AKAP13: variants seen among roughly 807,000 people sequenced by gnomAD.
AKAP13 encodes the protein A-kinase anchor protein 13.
AKAP13 carries 80 observed loss-of-function variants against 264.5 expected under a neutral mutation model. The ratio of observed to expected loss-of-function variants is 0.30; its 90% CI spans 0.25 to 0.36. The LOEUF (loss-of-function observed/expected upper bound fraction) is 0.36, where lower values mean the gene tolerates loss of function less well. AKAP13 is among the 10% of genes least tolerant of loss of function. The pLI is 1.00. For synonymous variants in AKAP13, 1,380 were observed against 1,250.2 expected (o/e 1.10, Z -2.19); for missense variants, 3,712 against 3,435.2 (o/e 1.08, Z -2.01).
At chr15:85,667,616 A>G (rs2083675795) in intron 13 of AKAP13, among the ~76,000 whole-genome samples, 1 of 152,230 alleles carries the variant, frequency 6.6e-6, no homozygotes, top group South Asian at 2.1e-4. Context: ...GGATTTGTAA[A>G]CAGAATCATA....
At chr15:85,511,262 T>G (rs1284290910) in intron 2 of AKAP13, among the ~76,000 whole-genome samples, 1 of 152,212 alleles carries the variant, frequency 6.6e-6, no homozygotes, top group Non-Finnish European at 1.5e-5. Flanking sequence ...GATCCATTTC[T>G]TCTTACTGCC....
chr15:85,679,300 A>G (rs1424540276), intron 14 of AKAP13, among the ~76,000 whole-genome samples: 1 of 152,154 alleles, frequency 6.6e-6, no homozygotes, highest in Non-Finnish European at 1.5e-5. Flanking sequence ...ATCCTATAAC[A>G]GCACTGGTCA....
intron 10 of AKAP13, among the ~76,000 whole-genome samples, 176 bp from the exon 11 acceptor site, chr15:85,655,240 TC>T (rs2083045048): frequency 6.6e-6 from 1 of 151,970 alleles, no homozygotes; most frequent in African/African-American, 2.4e-5. Flanking sequence ...TCTTCTAGAG[TC>T]CAGGGGGGAT....
intron 5 of AKAP13, among the ~76,000 whole-genome samples, chr15:85,565,888 A>C (rs1309888875): frequency 6.6e-6 from 1 of 152,182 alleles, no homozygotes. Flanking sequence ...CTAGTGTCTT[A>C]GTTGTATTTG....
intron 2 of AKAP13, among the ~76,000 whole-genome samples, chr15:85,520,206 G>A (rs955825856): frequency 3.3e-5 from 5 of 151,928 alleles, no homozygotes; most frequent in African/African-American, 1.2e-4. Context: ...CTACTAAAGA[G>A]TATTTGCGGC....
intron 1 of AKAP13, among the ~76,000 whole-genome samples, chr15:85,451,278 G>A (rs2074080189): frequency 6.6e-6 from 1 of 152,180 alleles, no homozygotes; most frequent in Non-Finnish European, 1.5e-5. Context: ...CTATGAGTGA[G>A]ATGGGTCTCT....
intron 8 of AKAP13, among the ~76,000 whole-genome samples, chr15:85,630,239 A>ACACACACACG (rs2081685366): frequency 6.7e-6 from 1 of 148,656 alleles, no homozygotes; most frequent in African/African-American, 2.5e-5. Flanking sequence ...ATTGTAACAC[A>ACACACACACG]CACACACACA....
At chr15:85,486,289 T>TC (rs150739602) in intron 2 of AKAP13, among the ~76,000 whole-genome samples, 2,560 of 152,322 alleles carry the variant, frequency 0.017, 89 homozygotes, top group African/African-American at 0.058. Context: ...TGTTGCTTTT[T>TC]TTTTTGGCAT....
chr15:85,735,445 G>C (rs1376865583), intron 31 of AKAP13, 115 bp from the exon 32 acceptor site: 2 of 1,086,338 alleles, frequency 1.8e-6, no homozygotes, highest in Non-Finnish European at 2.6e-6. Flanking sequence ...CCCCTTTTTG[G>C]GGGCATCAGT....
intron 8 of AKAP13, among the ~76,000 whole-genome samples, chr15:85,613,616 G>C (rs1217686042): frequency 6.8e-6 from 1 of 146,530 alleles, no homozygotes; most frequent in Admixed American, 6.8e-5. Context: ...CGGAGGCGGA[G>C]CTTGCAGTGA....
chr15:85,630,184 C>T lies in AKAP13; in HGVS notation c.4162-9190C>T, dbSNP rs935222166. On this transcript the variant is annotated intron_variant, in intron 8 of 36. Coordinates refer to ENST00000394518, the MANE Select transcript of AKAP13 (RefSeq NM_007200.5). ...TAACACATACACACACACACACACACACACACACACACACACACACACACA... is the reference window on the plus strand; with the variant it reads ...TAACACATACACACACACACACACATACACACACACACACACACACACACA... 2.2e-4 allele frequency among the ~76,000 whole-genome samples: 17 copies of T among 76,218 alleles called. No homozygotes were observed. The South Asian group carries it at 3.3e-3, about 15-fold the overall frequency. The allele number at this position is 76,218 out of a possible 152,430, so 50.0% of individuals were successfully genotyped here.
At chr15:85,428,775 A>G (rs945379507) in intron 1 of AKAP13, among the ~76,000 whole-genome samples, 8 of 152,206 alleles carry the variant, frequency 5.3e-5, no homozygotes, top group South Asian at 2.1e-4. Flanking sequence ...GGAAAAACAA[A>G]AATACCCCTG....
intron 1 of AKAP13, among the ~76,000 whole-genome samples, chr15:85,399,939 T>C (rs1003242338): frequency 6.6e-6 from 1 of 152,210 alleles, no homozygotes; most frequent in Non-Finnish European, 1.5e-5. Flanking sequence ...TTAGAATTAA[T>C]ATAACTTATT....
At position 85,655,783 on chromosome 15, in the gene AKAP13, C is replaced by A. The variant is rs751231437; in HGVS notation, c.4741C>A (p.Arg1581=). Reference sequence around the variant, plus strand: ...AGCCAGCGATGCAGAAATGAACCACCGGAGGTGAGATGGGAGGCGGTTTGT... The same window carrying A: ...AGCCAGCGATGCAGAAATGAACCACAGGAGGTGAGATGGGAGGCGGTTTGT... ...NAASDAEMNH[R]SSMRVLGDVV... The change falls in exon 11 of 37, where the codon CGG becomes AGG. Residue 1581 remains arginine, a synonymous_variant. Coordinates refer to ENST00000394518, the MANE Select transcript of AKAP13 (RefSeq NM_007200.5). 1 of 1,603,188 alleles carries A rather than the reference C, an allele frequency of 6.2e-7. No individual in the cohort carries two copies. The highest frequency in any genetic ancestry group is 1.1e-5 in the South Asian group (1 of 90,788).
At chr15:85,394,723 T>A (rs918818495) in intron 1 of AKAP13, among the ~76,000 whole-genome samples, 1 of 152,186 alleles carries the variant, frequency 6.6e-6, no homozygotes, top group African/African-American at 2.4e-5. Context: ...CATAATTGAC[T>A]GTGTGACCTT....
chr15:85,542,954 A>C (rs1030377148), intron 4 of AKAP13, among the ~76,000 whole-genome samples: 4 of 152,244 alleles, frequency 2.6e-5, no homozygotes, highest in African/African-American at 9.6e-5. Context: ...CAGAGATGTT[A>C]CATGAATCAC....
chr15:85,656,691 A>G (rs1596932720), intron 11 of AKAP13, among the ~76,000 whole-genome samples: 1 of 152,004 alleles, frequency 6.6e-6, no homozygotes, highest in Non-Finnish European at 1.5e-5. Context: ...CTTGTGATCC[A>G]CCCGCCTCGG....
intron 8 of AKAP13, among the ~76,000 whole-genome samples, chr15:85,630,268 A>ACACACACACACACACAC (rs1392263680): frequency 4.2e-5 from 1 of 23,870 alleles, no homozygotes; most frequent in Non-Finnish European, 1.1e-4. Flanking sequence ...CACACACACA[A>ACACACACACACACACAC]ACACAATGAA....
chr15:85,551,099 T>G (rs1420572381), intron 5 of AKAP13, among the ~76,000 whole-genome samples: 1 of 152,194 alleles, frequency 6.6e-6, no homozygotes, highest in Non-Finnish European at 1.5e-5. Flanking sequence ...GGAGGCATGT[T>G]TGGTAGCATT....
Sources: allele counts gnomAD v4.1 joint callset (sites outside exome capture counted in the v4.1 genomes callset), GRCh38; gene constraint gnomAD v4.1.1; transcripts MANE v1.5; gene names NCBI Gene and HGNC (gene_info 2026-07-23, HGNC 2026-07-21).